NOS1: variants seen among roughly 807,000 people sequenced by gnomAD.
NOS1 encodes NOS type I.
Under a neutral mutation model 164.5 loss-of-function variants are expected in NOS1, and 51 were observed. The ratio of observed to expected loss-of-function variants is 0.31; its 90% CI spans 0.25 to 0.39. NOS1 has a LOEUF of 0.39. NOS1 is among the 10% of genes least tolerant of loss of function. The pLI is 1.00. For synonymous variants in NOS1, 719 were observed against 745.8 expected (o/e 0.96, Z 0.59); for missense variants, 1,362 against 1,885.6 (o/e 0.72, Z 5.14).
In NOS1 at chr12:117,265,406, C is replaced by T. The variant is rs969527858; in HGVS notation, c.2046G>A (p.Val682=). The change falls in exon 12 of 29, where the codon GTG becomes GTA. Residue 682 remains valine (V), a synonymous_variant. Coordinates refer to ENST00000317775, the MANE Select transcript of NOS1 (RefSeq NM_000620.5). ...TTCCGGACATGGGGGGCACGATCCA[C>T]ACCCAGTCGGCAGGGCAGCCCCCCC... ...RCRGGCPADW[V]WIVPPMSGSI... is the part of the protein sequence containing the mutation. The T allele has an allele frequency of 6.3e-7, 1 of 1,597,888 alleles. No homozygotes were observed. The highest frequency in any genetic ancestry group is 1.7e-5 in the Admixed American group (1 of 57,810).
chr12:117,316,396 C>T (rs1048058609), intron 2 of NOS1, among the ~76,000 whole-genome samples: 4 of 152,086 alleles, frequency 2.6e-5, no homozygotes, highest in African/African-American at 4.8e-5. Flanking sequence ...TCCCTCTTCC[C>T]GAGGAGCACA....
chr12:117,304,498 A>G (rs1025900263), intron 3 of NOS1, among the ~76,000 whole-genome samples: 1 of 152,134 alleles, frequency 6.6e-6, no homozygotes, highest in African/African-American at 2.4e-5. Flanking sequence ...CACATCCGTG[A>G]GGGTCTCAAG....
chr12:117,343,750 G>A (rs1156415426), intron 1 of NOS1, among the ~76,000 whole-genome samples: 1 of 152,184 alleles, frequency 6.6e-6, no homozygotes, highest in East Asian at 1.9e-4. Flanking sequence ...CTCCTCTCAT[G>A]CCTGGCATCC....
At chr12:117,305,072 C>T (rs758760308) in intron 3 of NOS1, 4 of 985,368 alleles carry the variant, frequency 4.1e-6, no homozygotes, top group African/African-American at 1.7e-5. Context: ...CTCAGGATTG[C>T]AGGTAGTGGC....
intron 2 of NOS1, among the ~76,000 whole-genome samples, chr12:117,320,464 T>C (rs1406159102): frequency 6.6e-6 from 1 of 152,110 alleles, no homozygotes; most frequent in Non-Finnish European, 1.5e-5. Flanking sequence ...GGAAATGAGT[T>C]CTCTTCAAGA....
chr12:117,218,220 G>T, intron 27 of NOS1, 56 bp from the exon 28 acceptor site: 1 of 1,315,758 alleles, frequency 7.6e-7, no homozygotes, highest in Non-Finnish European at 1.1e-6. Context: ...AAGGCTTGGA[G>T]CAGGGGCAGA....
chr12:117,289,078 G>A lies in NOS1; in HGVS notation c.982-859C>T, dbSNP rs9658335. Among the ~76,000 whole-genome samples the A allele has an allele frequency of 6.9e-3, 1,045 of 152,272 alleles. 76 individuals carry two copies. In the East Asian group the frequency reaches 0.17, roughly 25 times the overall value. ...AAGTTTCAGGGCAATTTGTTACATT[G>A]TAATAGCTTGCAGATACCATTCTTC... is the stretch of plus-strand genomic sequence containing the variant. On this transcript the variant is annotated intron_variant, in intron 4 of 28. Coordinates refer to ENST00000317775, the MANE Select transcript of NOS1 (RefSeq NM_000620.5).
chr12:117,295,081 T>C (rs1321568032), intron 3 of NOS1, among the ~76,000 whole-genome samples: 1 of 152,174 alleles, frequency 6.6e-6, no homozygotes, highest in African/African-American at 2.4e-5. Context: ...TTCTCCCTTC[T>C]TTCTCCCCTT....
chr12:117,254,658 C>G (rs962965207), intron 16 of NOS1, among the ~76,000 whole-genome samples: 34 of 151,636 alleles, frequency 2.2e-4, no homozygotes, highest in Non-Finnish European at 3.4e-4. Flanking sequence ...GTGGTTGGTA[C>G]ACTGCAAACC....
rs1412526208 is a variant in NOS1 at position 117,322,199 on chromosome 12, TCTC to T, written c.725+8143_725+8145del. On this transcript the variant is annotated intron_variant, in intron 2 of 28. Transcript: ENST00000317775. ...CCTTCCTTCTCTCCTTTCTTCCCTC[TCTC>T]CTTCCTTCCCTCCCTCTTTCCTTCC... Among the ~76,000 whole-genome samples, 233 of 89,730 alleles carry T rather than the reference TCTC, an allele frequency of 2.6e-3. 3 individuals are homozygous for T. Among genetic ancestry groups the T allele is most frequent in the Middle Eastern group, 8.6e-3 (1 of 116 alleles). The allele number at this position is 89,730 out of a possible 152,430, so 58.9% of individuals were successfully genotyped here.
In NOS1 at chr12:117,210,096, C is replaced by A; in HGVS notation, c.*5213G>T. 1 of 673,916 alleles carries A rather than the reference C, an allele frequency of 1.5e-6. No individual in the cohort carries two copies. The highest frequency in any genetic ancestry group is 1.8e-6 in the Non-Finnish European group (1 of 545,402). 41.7% of individuals were successfully genotyped at this position (673,916 alleles called of 1,614,324 possible). On this transcript the variant is annotated 3_prime_UTR_variant, in exon 29 of 29. Coordinates refer to ENST00000317775, the MANE Select transcript of NOS1 (RefSeq NM_000620.5). ...CAAGTGATCCTCCTGCCTCAGCCTC[C>A]CAAGTAGCTGGGACCACAGGAGCAT...
chr12:117,244,126 G>C (rs1432260246), intron 18 of NOS1, among the ~76,000 whole-genome samples: 1 of 151,176 alleles, frequency 6.6e-6, no homozygotes, highest in African/African-American at 2.4e-5. Context: ...TAATATTTAA[G>C]AATTACATAA....
intron 4 of NOS1, 60 bp downstream of exon 4, chr12:117,290,238 C>G: frequency 6.3e-7 from 1 of 1,597,140 alleles, no homozygotes; most frequent in Non-Finnish European, 8.6e-7. Flanking sequence ...TTATCCGACT[C>G]CAAATGTGGA....
At chr12:117,360,172 T>A (rs762981187) in intron 1 of NOS1, among the ~76,000 whole-genome samples, 1 of 151,650 alleles carries the variant, frequency 6.6e-6, no homozygotes, top group African/African-American at 2.4e-5. Flanking sequence ...GGCTGCCTTC[T>A]CCGTGAGAGC....
At position 117,212,455 on chromosome 12, in the gene NOS1, C is replaced by T. The variant is rs1416157565; in HGVS notation, c.*2854G>A. 1 of 985,286 alleles carries T rather than the reference C, an allele frequency of 1.0e-6. No individual in the cohort carries two copies. The highest frequency in any genetic ancestry group is 6.2e-5 in the Admixed American group (1 of 16,248). 61.0% of individuals were successfully genotyped at this position (985,286 alleles called of 1,614,324 possible). A position where few individuals can be genotyped will look rare whatever the true frequency, so the allele number is the denominator to read the frequency against. On this transcript the variant is annotated 3_prime_UTR_variant, in exon 29 of 29. Transcript: ENST00000317775. ...GAAACCAAAAGAAGCCCTCTCTCCT[C>T]CCAAGGAGTTTAACATCATCTCTCT...
At chr12:117,264,020 C>A in intron 12 of NOS1, 46 bp from the exon 13 acceptor site, 1 of 1,491,562 alleles carries the variant, frequency 6.7e-7, no homozygotes, top group Non-Finnish European at 9.3e-7. Context: ...GCAGTGAGGG[C>A]ATCTGGTTCC....
In NOS1 at chr12:117,208,429, T is replaced by C. The variant is rs1162719978; in HGVS notation, c.*6880A>G. The stretch of plus-strand genomic sequence containing the variant: ...GTGTGTGTGTGTGTGTGTGGTGAGA[T>C]GCGACCAGGTCTGCCCACCTCCCCA... On this transcript the variant is annotated 3_prime_UTR_variant, in exon 29 of 29. Coordinates refer to ENST00000317775, the MANE Select transcript of NOS1 (RefSeq NM_000620.5). 4.7e-6 allele frequency: 6 copies of C among 1,283,840 alleles called. No individual in the cohort carries two copies. The highest frequency in any genetic ancestry group is 1.2e-5 in the South Asian group (1 of 80,160). The allele number at this position is 1,283,840 out of a possible 1,614,324, so 79.5% of individuals were successfully genotyped here.
intron 20 of NOS1, among the ~76,000 whole-genome samples, chr12:117,236,623 A>G (rs1269723636): frequency 1.3e-5 from 2 of 152,124 alleles, no homozygotes; most frequent in Admixed American, 6.5e-5. Flanking sequence ...CAACACCTCC[A>G]GAGAGCTGCA....
At position 117,208,942 on chromosome 12, in the gene NOS1, C is replaced by T; in HGVS notation, c.*6367G>A. On this transcript the variant is annotated 3_prime_UTR_variant, in exon 29 of 29. Transcript: ENST00000317775. ...TTTGCCATGTTAGCCAGGTTGGTCT[C>T]TAACTCCCAGCCTCAAGTGATCTGC... 1 of 820,194 alleles carries T rather than the reference C, an allele frequency of 1.2e-6. No individual in the cohort carries two copies. The highest frequency in any genetic ancestry group is 1.5e-6 in the Non-Finnish European group (1 of 679,068). The allele number at this position is 820,194 out of a possible 1,614,324, so 50.8% of individuals were successfully genotyped here. A position where few individuals can be genotyped will look rare whatever the true frequency, so the allele number is the denominator to read the frequency against.
Sources: gnomAD v4.1 joint callset for allele counts (sites outside exome capture counted in the v4.1 genomes callset) on GRCh38, gnomAD v4.1.1 for gene constraint, MANE v1.5 for transcripts, NCBI Gene and HGNC (gene_info 2026-07-23, HGNC 2026-07-21) for gene names.